Variants in CD2AP observed in about 807,000 individuals in gnomAD.
CD2AP encodes CD2-associated protein.
A neutral mutation model predicts 85.1 loss-of-function variants in CD2AP; 46 were observed. The ratio of observed to expected loss-of-function variants is 0.54; its 90% CI spans 0.43 to 0.69. The LOEUF (loss-of-function observed/expected upper bound fraction) is 0.69. Ranked by LOEUF, CD2AP falls within the 30% of genes least tolerant of loss-of-function variation. The pLI is 0.00. For missense variants in CD2AP, 769 were observed against 729.5 expected, an observed-to-expected ratio of 1.05 and a Z score of -0.62; for synonymous variants, 255 against 252.9, an observed-to-expected ratio of 1.01 and a Z score of -0.08.
At position 47,547,599 on chromosome 6, in the gene CD2AP, T is replaced by C. The variant is rs534285003; in HGVS notation, c.420+2893T>C. Among the ~76,000 whole-genome samples the C allele has an allele frequency of 3.9e-5, 6 of 152,248 alleles. No individual in the cohort carries two copies. In the South Asian group the frequency reaches 1.2e-3, roughly 32 times the overall value. On this transcript the variant is annotated intron_variant, in intron 4 of 17. Coordinates refer to ENST00000359314, the MANE Select transcript of CD2AP (RefSeq NM_012120.3). The stretch of plus-strand genomic sequence containing the variant: ...ATAGTGGGGGACTTCAATACTCCAC[T>C]GACAGCATTAGACAGGTCATCAAGA...
chr6:47,587,338 A>G (rs776607846), intron 11 of CD2AP, among the ~76,000 whole-genome samples: 4 of 152,190 alleles, frequency 2.6e-5, no homozygotes, highest in Non-Finnish European at 4.4e-5. Flanking sequence ...CTTAGAAACC[A>G]TGAAACTGAT....
intron 1 of CD2AP, among the ~76,000 whole-genome samples, chr6:47,480,946 T>G (rs953867062): frequency 6.6e-6 from 1 of 152,200 alleles, no homozygotes; most frequent in Non-Finnish European, 1.5e-5. Context: ...GAAAAACTCT[T>G]AAGTGGGATG....
At chr6:47,604,410 C>A (rs1769216554) in intron 13 of CD2AP, among the ~76,000 whole-genome samples, 1 of 151,982 alleles carries the variant, frequency 6.6e-6, no homozygotes, top group Non-Finnish European at 1.5e-5. Context: ...TTTACATGAG[C>A]ATGGTGTATA....
chr6:47,544,722 G>C lies in CD2AP; in HGVS notation c.420+16G>C. 7.0e-7 allele frequency: 1 copy of C among 1,421,582 alleles called. No homozygotes were observed. The highest frequency in any genetic ancestry group is 1.1e-5 in the South Asian group (1 of 87,260). The allele number at this position is 1,421,582 out of a possible 1,614,324, so 88.1% of individuals were successfully genotyped here. A position where few individuals can be genotyped will look rare whatever the true frequency, so the allele number is the denominator to read the frequency against. The stretch of plus-strand genomic sequence containing the variant: ...TAATGAAGAGGTAAGGAAAAAATGT[G>C]TTACAGGTAAAACAGTAATGGTAAT... On this transcript the variant is annotated intron_variant, in intron 4 of 17. Coordinates refer to ENST00000359314, the MANE Select transcript of CD2AP (RefSeq NM_012120.3).
intron 13 of CD2AP, among the ~76,000 whole-genome samples, 180 bp from the exon 14 acceptor site, chr6:47,605,985 T>G (rs566924895): frequency 3.1e-4 from 47 of 152,096 alleles, no homozygotes; most frequent in Admixed American, 2.7e-3. Flanking sequence ...GATTTTTTTT[T>G]TTCTTTTAAG....
At chr6:47,490,946 T>C (rs1027724769) in intron 1 of CD2AP, among the ~76,000 whole-genome samples, 1 of 152,186 alleles carries the variant, frequency 6.6e-6, no homozygotes, top group Non-Finnish European at 1.5e-5. Flanking sequence ...TATCATTCCA[T>C]ATTTAACAAG....
At chr6:47,510,739 T>C (rs925139712) in intron 2 of CD2AP, among the ~76,000 whole-genome samples, 2 of 152,108 alleles carry the variant, frequency 1.3e-5, no homozygotes, top group Admixed American at 6.6e-5. Flanking sequence ...GCACACCCCC[T>C]CTTTCCCTTC....
rs186986249 is a variant in CD2AP, at chr6:47,507,542, C to T, written c.165+4102C>T. Among the ~76,000 whole-genome samples the T allele has an allele frequency of 8.5e-5, 13 of 152,166 alleles. No individual in the cohort carries two copies. The East Asian group carries it at 1.7e-3, about 20-fold the overall frequency. ...CCTCCCAGGTTCAAGCGATTCTCCT[C>T]GCCTCCCTAGTTCAAGCGATTCTCC... is the stretch of plus-strand genomic sequence containing the variant. On this transcript the variant is annotated intron_variant, in intron 2 of 17. Transcript: ENST00000359314.
chr6:47,503,367 A>C lies in CD2AP; in HGVS notation c.92A>C (p.Lys31Thr). ...GGAGAAATCATCAGGAATGTGAAAA[A>C]GCTACAGGAGGAAGGGTGGCTGGAA... ...RVGEIIRNVKKLQEEGWLEGE... is the reference protein window; with the variant it reads ...RVGEIIRNVKTLQEEGWLEGE... Residue 31 changes from lysine to threonine, a missense_variant, in exon 2 of 18, where the codon AAG becomes ACG. Coordinates refer to ENST00000359314, the MANE Select transcript of CD2AP (RefSeq NM_012120.3). The C allele has an allele frequency of 6.2e-7, 1 of 1,613,864 alleles. No individual in the cohort carries two copies. Among genetic ancestry groups the C allele is most frequent in the Non-Finnish European group, 8.5e-7 (1 of 1,179,816 alleles).
At chr6:47,567,086 T>TG (rs1768024202) in intron 5 of CD2AP, among the ~76,000 whole-genome samples, 1 of 147,756 alleles carries the variant, frequency 6.8e-6, no homozygotes, top group Non-Finnish European at 1.5e-5. Flanking sequence ...ATTTCCCAGT[T>TG]TTTTTTTTTT....
rs187304357 is a variant in CD2AP at position 47,497,568 on chromosome 6, C to G, written c.5-5712C>G. Among the ~76,000 whole-genome samples the G allele has an allele frequency of 9.8e-4, 149 of 152,162 alleles. 1 individual carries two copies. Among genetic ancestry groups the G allele is most frequent in the Non-Finnish European group, 1.6e-3 (108 of 67,994 alleles). ...TGGGACTGTAGGTGCGTTATCATTACTCCTGACTACATTTTTTTGGTATTT... is the reference window on the plus strand; with the variant it reads ...TGGGACTGTAGGTGCGTTATCATTAGTCCTGACTACATTTTTTTGGTATTT... On this transcript the variant is annotated intron_variant, in intron 1 of 17. Transcript: ENST00000359314.
chr6:47,609,102 AT>A lies in CD2AP; in HGVS notation c.1633-11del, dbSNP rs747933768. 1.1e-3 allele frequency: 1,582 copies of A among 1,455,230 alleles called. No homozygotes were observed. The highest frequency in any genetic ancestry group is 1.2e-3 in the Non-Finnish European group (1,264 of 1,067,248). The allele number at this position is 1,455,230 out of a possible 1,614,324, so 90.1% of individuals were successfully genotyped here. ...AATATAATATTAAATAAAATCAGAA[AT>A]TTTTTTTTTACGTTTTCAGCCATCT... On this transcript the variant is annotated intron_variant, in intron 15 of 17. Coordinates refer to ENST00000359314, the MANE Select transcript of CD2AP (RefSeq NM_012120.3).
intron 12 of CD2AP, among the ~76,000 whole-genome samples, chr6:47,596,820 C>G (rs1423966786): frequency 6.6e-6 from 1 of 151,956 alleles, no homozygotes; most frequent in African/African-American, 2.4e-5. Context: ...TTTTTAATTT[C>G]TCGAGGGACC....
intron 1 of CD2AP, among the ~76,000 whole-genome samples, chr6:47,482,298 A>C (rs1765465274): frequency 6.6e-6 from 1 of 152,134 alleles, no homozygotes; most frequent in Non-Finnish European, 1.5e-5. Context: ...TTGTAAAATC[A>C]CATTAAGGCT....
intron 1 of CD2AP, among the ~76,000 whole-genome samples, chr6:47,495,068 T>G (rs911178281): frequency 4.0e-5 from 6 of 151,800 alleles, no homozygotes; most frequent in Non-Finnish European, 5.9e-5. Flanking sequence ...GAGATTGAGG[T>G]GGGAGGATCA....
intron 2 of CD2AP, among the ~76,000 whole-genome samples, chr6:47,517,639 A>G (rs1019676530): frequency 1.3e-5 from 2 of 152,120 alleles, no homozygotes; most frequent in Non-Finnish European, 2.9e-5. Flanking sequence ...CTTCTTTATA[A>G]CAGCACAGGA....
intron 3 of CD2AP, among the ~76,000 whole-genome samples, chr6:47,539,675 T>A (rs917135758): frequency 1.3e-5 from 2 of 152,174 alleles, no homozygotes; most frequent in Non-Finnish European, 2.9e-5. Context: ...AATGAGATAG[T>A]GAGTGTTAAT....
chr6:47,607,387 C>G lies in CD2AP; in HGVS notation c.1531-540C>G, dbSNP rs35986976. 6.8e-3 allele frequency among the ~76,000 whole-genome samples: 1,039 copies of G among 152,176 alleles called. 5 individuals are homozygous for G. The highest frequency in any genetic ancestry group is 9.6e-3 in the Non-Finnish European group (655 of 67,964). On this transcript the variant is annotated intron_variant, in intron 14 of 17. Transcript: ENST00000359314. ...TTTTGAGGAACTTCCAAATTTTTCT[C>G]CATAATGATTGTACTCATTTACATT...
rs201329353 is a variant in CD2AP, at chr6:47,577,933, A to T, written c.903+830A>T. Reference sequence around the variant, plus strand: ...TGTCATAGTGTATATAATTTTTTTTAAAAATAAGTTTTATTGTGTAAAGTA... The same window carrying T: ...TGTCATAGTGTATATAATTTTTTTTTAAAATAAGTTTTATTGTGTAAAGTA... On this transcript the variant is annotated intron_variant, in intron 8 of 17. Coordinates refer to ENST00000359314, the MANE Select transcript of CD2AP (RefSeq NM_012120.3). Among the ~76,000 whole-genome samples, 39 of 152,180 alleles carry T rather than the reference A, an allele frequency of 2.6e-4. No homozygotes were observed. In the East Asian group the frequency reaches 5.2e-3, roughly 20 times the overall value.
Sources: gnomAD v4.1 joint callset for allele counts (sites outside exome capture counted in the v4.1 genomes callset) on GRCh38, gnomAD v4.1.1 for gene constraint, MANE v1.5 for transcripts, NCBI Gene and HGNC (gene_info 2026-07-23, HGNC 2026-07-21) for gene names.